The following PPP2R3A variants were observed in gnomAD, a reference collection of about 807,000 sequenced individuals.
The protein encoded by PPP2R3A is protein phosphatase 2 regulatory subunit B''alpha, also known as serine/threonine-protein phosphatase 2A regulatory subunit B'' subunit alpha.
A neutral mutation model predicts 106.9 loss-of-function variants in PPP2R3A; 80 were observed. The ratio of observed to expected loss-of-function variants is 0.75; its 90% confidence interval spans 0.62 to 0.90. The LOEUF is 0.90. Among genes scored for constraint, PPP2R3A ranks in the 40% least tolerant of loss-of-function variants. The pLI is 0.00. For synonymous variants in PPP2R3A, 483 were observed against 468.3 expected (o/e 1.03, Z -0.41); for missense variants, 1,386 against 1,350.4 (o/e 1.03, Z -0.41).
chr3:136,045,579 G>A (rs1404707271), intron 4 of PPP2R3A, among the ~76,000 whole-genome samples: 1 of 152,134 alleles, frequency 6.6e-6, no homozygotes. Flanking sequence ...CAAATTCTGG[G>A]CAGTAACCAG....
intron 2 of PPP2R3A, among the ~76,000 whole-genome samples, chr3:136,012,943 C>T (rs998855072): frequency 1.2e-4 from 18 of 151,994 alleles, no homozygotes; most frequent in Admixed American, 5.2e-4. Flanking sequence ...TATCCCTCAC[C>T]CCCTTCCCAC....
intron 3 of PPP2R3A, among the ~76,000 whole-genome samples, chr3:136,031,585 A>G (rs191775012): frequency 4.9e-4 from 75 of 152,322 alleles, no homozygotes; most frequent in African/African-American, 1.6e-3. Context: ...GCCTAAGCCA[A>G]TGTCTAGAAG....
At chr3:136,137,232 A>G (rs947168232) in intron 13 of PPP2R3A, among the ~76,000 whole-genome samples, 9 of 152,184 alleles carry the variant, frequency 5.9e-5, no homozygotes, top group East Asian at 1.9e-4. Context: ...AATAATCAGA[A>G]ACAAGCTTTT....
intron 1 of PPP2R3A, among the ~76,000 whole-genome samples, chr3:135,995,738 G>T (rs1382868207): frequency 6.6e-6 from 1 of 152,054 alleles, no homozygotes; most frequent in African/African-American, 2.4e-5. Context: ...CTCCCAAAGT[G>T]CTAGGATTAT....
In PPP2R3A at chr3:136,121,805, G is replaced by A. The variant is rs1479254353; in HGVS notation, c.3329+15483G>A. ...TGGAAACTCAGCAGAAGATTTGGAA[G>A]ATGAAATTGAGAATATTTTCACTAA... On this transcript the variant is annotated intron_variant, in intron 13 of 13. Transcript: ENST00000264977. 2.6e-5 allele frequency among the ~76,000 whole-genome samples: 4 copies of A among 151,984 alleles called. No homozygotes were observed. In the South Asian group the frequency reaches 6.2e-4, roughly 24 times the overall value.
chr3:136,063,460 G>A (rs1936149613), intron 5 of PPP2R3A, among the ~76,000 whole-genome samples: 1 of 152,156 alleles, frequency 6.6e-6, no homozygotes. Context: ...CACAGCAAAA[G>A]AAACTACCAT....
intron 3 of PPP2R3A, among the ~76,000 whole-genome samples, chr3:136,030,778 A>ATGTATGTATG (rs1553745405): frequency 4.5e-5 from 5 of 111,260 alleles, no homozygotes; most frequent in Non-Finnish European, 9.8e-5. Context: ...ATATATATAT[A>ATGTATGTATG]TATGTATGTA....
At chr3:136,088,579 T>C (rs1430892337) in intron 9 of PPP2R3A, among the ~76,000 whole-genome samples, 3 of 152,204 alleles carry the variant, frequency 2.0e-5, no homozygotes, top group Non-Finnish European at 4.4e-5. Flanking sequence ...ATCTTTGTGG[T>C]AGAATGATTT....
chr3:135,970,979 T>C (rs1338609773), intron 1 of PPP2R3A, among the ~76,000 whole-genome samples: 1 of 152,142 alleles, frequency 6.6e-6, no homozygotes, highest in Non-Finnish European at 1.5e-5. Context: ...AGGCCAGTGG[T>C]GATCTGGGCT....
At chr3:136,034,039 C>CTTTTTT (rs71157353) in intron 3 of PPP2R3A, among the ~76,000 whole-genome samples, 15 of 131,370 alleles carry the variant, frequency 1.1e-4, no homozygotes, top group East Asian at 2.2e-4. Context: ...TTTTCTTTTT[C>CTTTTTT]TTTTTTTTTT....
intron 2 of PPP2R3A, among the ~76,000 whole-genome samples, chr3:136,005,392 G>A (rs1933807805): frequency 1.3e-5 from 2 of 152,124 alleles, no homozygotes; most frequent in Admixed American, 1.3e-4. Context: ...CTATTCTTCT[G>A]TGGACTTTTT....
At chr3:136,017,466 C>T (rs1434822066) in intron 2 of PPP2R3A, among the ~76,000 whole-genome samples, 1 of 152,172 alleles carries the variant, frequency 6.6e-6, no homozygotes, top group Non-Finnish European at 1.5e-5. Flanking sequence ...AATTCATTTT[C>T]TGGACATTTG....
intron 5 of PPP2R3A, among the ~76,000 whole-genome samples, chr3:136,060,666 C>T (rs1410245577): frequency 6.6e-6 from 1 of 152,126 alleles, no homozygotes; most frequent in Non-Finnish European, 1.5e-5. Context: ...GTCTGCAGAA[C>T]TGTGGGTCAA....
At chr3:136,122,532 G>A (rs1938034478) in intron 13 of PPP2R3A, among the ~76,000 whole-genome samples, 1 of 152,042 alleles carries the variant, frequency 6.6e-6, no homozygotes, top group South Asian at 2.1e-4. Context: ...CCTGCATTTT[G>A]TTGGAAATCC....
intron 7 of PPP2R3A, among the ~76,000 whole-genome samples, chr3:136,079,463 C>T (rs1319131243): frequency 6.7e-6 from 1 of 148,332 alleles, no homozygotes; most frequent in East Asian, 2.0e-4. Flanking sequence ...GGCTGGAGTG[C>T]AGTGGTGCGA....
intron 1 of PPP2R3A, among the ~76,000 whole-genome samples, chr3:135,999,983 C>A (rs1239182454): frequency 6.6e-6 from 1 of 152,110 alleles, no homozygotes; most frequent in African/African-American, 2.4e-5. Flanking sequence ...CTTTGCCATT[C>A]TTTTAGTGAA....
intron 2 of PPP2R3A, among the ~76,000 whole-genome samples, chr3:136,007,993 G>A (rs1262929230): frequency 7.0e-6 from 1 of 143,296 alleles, no homozygotes; most frequent in African/African-American, 2.4e-5. Context: ...TTTCATTCCA[G>A]AGGAAATAAA....
intron 10 of PPP2R3A, among the ~76,000 whole-genome samples, chr3:136,098,175 G>T (rs142790013): frequency 3.3e-5 from 5 of 152,192 alleles, no homozygotes; most frequent in Admixed American, 2.6e-4. Flanking sequence ...AATTAGCCAG[G>T]TGTGGTGGTA....
At chr3:136,009,538 C>G (rs1260376645) in intron 2 of PPP2R3A, among the ~76,000 whole-genome samples, 1 of 152,138 alleles carries the variant, frequency 6.6e-6, no homozygotes, top group Non-Finnish European at 1.5e-5. Context: ...GTCCTCTGCC[C>G]TTCTTCGTTC....
Sources: allele counts gnomAD v4.1 joint callset (sites outside exome capture counted in the v4.1 genomes callset), GRCh38; gene constraint gnomAD v4.1.1; transcripts MANE v1.5; gene names NCBI Gene and HGNC (gene_info 2026-07-23, HGNC 2026-07-21).